ABCC1: variants seen among roughly 807,000 people sequenced by gnomAD.
ABCC1 encodes ATP binding cassette subfamily C member 1 (ABCC1 blood group), also known as multidrug resistance-associated protein 1.
ABCC1 carries 83 observed loss-of-function variants against 172.9 expected under a neutral mutation model. The observed-to-expected ratio is 0.48, with a 90% CI of 0.40 to 0.58. The LOEUF is 0.58. Ranked by LOEUF, ABCC1 falls within the 20% of genes least tolerant of loss-of-function variation. The pLI is 0.00. For synonymous variants in ABCC1, 937 were observed against 825.2 expected, an observed-to-expected ratio of 1.14 and a Z score of -2.32; for missense variants, 1,817 against 2,002.7, an observed-to-expected ratio of 0.91 and a Z score of 1.77.
rs374395529 is a variant in ABCC1, at chr16:15,999,809, C to CTCTCT, written c.49-8007_49-8006insTCTCT. Among the ~76,000 whole-genome samples the CTCTCT allele has an allele frequency of 5.0e-3, 42 of 8,366 alleles. 4 individuals are homozygous for CTCTCT. Among genetic ancestry groups the CTCTCT allele is most frequent in the East Asian group, 0.013 (5 of 378 alleles). 5.5% of individuals were successfully genotyped at this position (8,366 alleles called of 152,430 possible). A position where few individuals can be genotyped will look rare whatever the true frequency, so the allele number is the denominator to read the frequency against. On this transcript the variant is annotated intron_variant, in intron 1 of 30. Coordinates refer to ENST00000399410, the MANE Select transcript of ABCC1 (RefSeq NM_004996.4). ...TCTCTCTCTCTCTCTCTCTCTCTCT[C>CTCTCT]CTCTCTCTCTCTCTCTCTCTCTCTG...
At chr16:16,075,560 G>T (rs1567376019) in intron 14 of ABCC1, among the ~76,000 whole-genome samples, 1 of 152,156 alleles carries the variant, frequency 6.6e-6, no homozygotes, top group African/African-American at 2.4e-5. Flanking sequence ...GCGCCTGGGA[G>T]ATGGAGGTTG....
At chr16:16,071,773 C>G (rs1187919985) in intron 14 of ABCC1, 44 bp downstream of exon 14, 2 of 1,531,296 alleles carry the variant, frequency 1.3e-6, no homozygotes, top group Non-Finnish European at 1.8e-6. Flanking sequence ...GGCCGCCTTC[C>G]CATCTCCCAC....
At chr16:15,962,519 G>A (rs1448359984) in intron 1 of ABCC1, among the ~76,000 whole-genome samples, 1 of 152,190 alleles carries the variant, frequency 6.6e-6, no homozygotes, top group Non-Finnish European at 1.5e-5. Flanking sequence ...CTGAGACTGC[G>A]TAGTTTATAA....
chr16:16,000,413 G>A lies in ABCC1; in HGVS notation c.49-7403G>A, dbSNP rs557488179. Among the ~76,000 whole-genome samples, 57 of 152,068 alleles carry A rather than the reference G, an allele frequency of 3.7e-4. 1 individual carries two copies. Among genetic ancestry groups the A allele is most frequent in the African/African-American group, 1.2e-3 (50 of 41,472 alleles). ...ACCCGTGTCGGCCTCCCAAAGTGCC[G>A]GGATTACAGGCATGAGCCACCGTGT... On this transcript the variant is annotated intron_variant, in intron 1 of 30. Transcript: ENST00000399410.
chr16:16,102,114 A>C (rs1200357506), intron 19 of ABCC1, among the ~76,000 whole-genome samples: 1 of 152,174 alleles, frequency 6.6e-6, no homozygotes, highest in Non-Finnish European at 1.5e-5. Context: ...TCTGTGGTCT[A>C]GGAACTGAAG....
intron 30 of ABCC1, among the ~76,000 whole-genome samples, chr16:16,139,360 C>T (rs1398229726): frequency 6.6e-6 from 1 of 151,674 alleles, no homozygotes; most frequent in Non-Finnish European, 1.5e-5. Context: ...GGCTGTAATC[C>T]CAGCACTTTG....
At chr16:16,028,509 G>T (rs2048451916) in intron 5 of ABCC1, among the ~76,000 whole-genome samples, 1 of 152,064 alleles carries the variant, frequency 6.6e-6, no homozygotes, top group South Asian at 2.1e-4. Flanking sequence ...GTGGGTAGAG[G>T]GCTTGGGCTG....
At chr16:16,086,769 A>G in intron 17 of ABCC1, 55 bp from the exon 18 acceptor site, 2 of 1,593,126 alleles carry the variant, frequency 1.3e-6, no homozygotes, top group Non-Finnish European at 1.7e-6. Context: ...GCTTCTACGT[A>G]TTGTGAGTCT....
rs983944894 is a variant in ABCC1 at position 16,071,690 on chromosome 16, C to T, written c.1873C>T (p.Leu625=). Residue 625 remains leucine (L), a synonymous_variant, in exon 14 of 31, where the codon CTG becomes TTG. Transcript: ENST00000399410. ...RLRIFLSHEE[L]EPDSIERRPV... is the part of the protein sequence containing the mutation. The stretch of plus-strand genomic sequence containing the variant: ...GAGGATCTTTCTCTCCCATGAGGAG[C>T]TGGAACCTGACAGCATCGAGCGACG... 3 of 1,614,060 alleles carry T rather than the reference C, an allele frequency of 1.9e-6. No homozygotes were observed. In the East Asian group the frequency reaches 6.7e-5, roughly 36 times the overall value.
chr16:16,109,370 T>C (rs545655403), intron 21 of ABCC1, among the ~76,000 whole-genome samples: 1 of 152,120 alleles, frequency 6.6e-6, no homozygotes, highest in Non-Finnish European at 1.5e-5. Flanking sequence ...AGAGACAGGG[T>C]CTTACTGTGT....
At chr16:16,101,063 GCT>G (rs1414612577) in intron 19 of ABCC1, among the ~76,000 whole-genome samples, 1 of 150,082 alleles carries the variant, frequency 6.7e-6, no homozygotes. Context: ...ACAGAGTCTC[GCT>G]CTGTCACCCA....
At chr16:16,106,529 C>A in intron 20 of ABCC1, 1 of 540,884 alleles carries the variant, frequency 1.8e-6, no homozygotes, top group Non-Finnish European at 3.2e-6. Context: ...CTGCCTGAGA[C>A]ACTGCCTTTC....
At position 16,089,502 on chromosome 16, in the gene ABCC1, C is replaced by T. The variant is rs140508319; in HGVS notation, c.2461-903C>T. ...AGCATAGGTTGTGGTGAGCCGAGGT[C>T]GCACCACTGCACTCCAGCCTGGGCG... On this transcript the variant is annotated intron_variant, in intron 18 of 30. Transcript: ENST00000399410. Among the ~76,000 whole-genome samples, 61 of 151,070 alleles carry T rather than the reference C, an allele frequency of 4.0e-4. 1 individual carries two copies. Among genetic ancestry groups the T allele is most frequent in the African/African-American group, 1.2e-3 (51 of 41,100 alleles).
intron 6 of ABCC1, among the ~76,000 whole-genome samples, chr16:16,034,885 C>G (rs246234): frequency 0.63 from 96,394 of 151,824 alleles, 31,188 homozygotes; most frequent in East Asian, 0.75. Flanking sequence ...ACCATGCCAG[C>G]CCTTTAACTG....
At chr16:16,068,071 GCGC>G in intron 12 of ABCC1, 82 bp from the exon 13 acceptor site, 1 of 1,547,808 alleles carries the variant, frequency 6.5e-7, no homozygotes, top group African/African-American at 1.4e-5. Context: ...GAGGGCCCAA[GCGC>G]GTCTCCAGGG....
intron 1 of ABCC1, among the ~76,000 whole-genome samples, chr16:15,999,086 T>C (rs1352869848): frequency 5.3e-5 from 8 of 152,134 alleles, no homozygotes; most frequent in East Asian, 1.9e-4. Context: ...CTGCAAGCTC[T>C]GCCTTCTGGG....
chr16:16,012,341 T>C (rs951333416), intron 3 of ABCC1, among the ~76,000 whole-genome samples: 1 of 152,124 alleles, frequency 6.6e-6, no homozygotes, highest in African/African-American at 2.4e-5. Context: ...TTGATTCCCC[T>C]TTGTGTCCTC....
chr16:16,114,773 C>T lies in ABCC1; in HGVS notation c.3087C>T (p.Ala1029=), dbSNP rs973693767. 7.5e-6 allele frequency: 12 copies of T among 1,594,660 alleles called. No homozygotes were observed. Among genetic ancestry groups the T allele is most frequent in the East Asian group, 6.8e-5 (3 of 44,404 alleles). The part of the protein sequence containing the change: ...YGALGISQGI[A]VFGYSMAVSI... ...AACTCCGAGTGTCTGCAGGGATCGCCGTGTTTGGCTACTCCATGGCCGTGT... is the reference window on the plus strand; with the variant it reads ...AACTCCGAGTGTCTGCAGGGATCGCTGTGTTTGGCTACTCCATGGCCGTGT... The change falls in exon 23 of 31, where the codon GCC becomes GCT. Residue 1029 remains alanine, a synonymous_variant. Transcript: ENST00000399410.
At chr16:16,124,396 T>A (rs1271464558) in intron 24 of ABCC1, among the ~76,000 whole-genome samples, 2 of 133,766 alleles carry the variant, frequency 1.5e-5, no homozygotes, top group Admixed American at 1.7e-4. Context: ...TGTGTGTGTG[T>A]GTGTGTGTGT....
Sources: allele counts gnomAD v4.1 joint callset (sites outside exome capture counted in the v4.1 genomes callset), GRCh38; gene constraint gnomAD v4.1.1; transcripts MANE v1.5; gene names NCBI Gene and HGNC (gene_info 2026-07-23, HGNC 2026-07-21).